The following RBM19 variants were observed in gnomAD, a reference collection of about 807,000 sequenced individuals.
The protein encoded by RBM19 is probable RNA-binding protein 19.
RBM19 carries 94 observed loss-of-function variants against 116.8 expected under a neutral mutation model. That is an observed-to-expected ratio of 0.80 (90% CI 0.68 to 0.95). The LOEUF is 0.95. Among genes scored for constraint, RBM19 ranks in the 40% least tolerant of loss-of-function variants. RBM19 has a pLI of 0.00. For synonymous variants in RBM19, 475 were observed against 494.1 expected, an observed-to-expected ratio of 0.96 and a Z score of 0.51; for missense variants, 1,161 against 1,220.7, an observed-to-expected ratio of 0.95 and a Z score of 0.73.
intron 23 of RBM19, among the ~76,000 whole-genome samples, chr12:113,841,129 C>G (rs1382763137): frequency 6.6e-6 from 1 of 152,246 alleles, no homozygotes; most frequent in Non-Finnish European, 1.5e-5. Context: ...CTCTGACACT[C>G]AAGCCCGCCC....
intron 21 of RBM19, among the ~76,000 whole-genome samples, chr12:113,878,979 G>A (rs773840365): frequency 6.6e-6 from 1 of 152,196 alleles, no homozygotes; most frequent in African/African-American, 2.4e-5. Context: ...GGGGCTGCCT[G>A]TAGGAGGCAG....
intron 22 of RBM19, among the ~76,000 whole-genome samples, chr12:113,852,137 C>T (rs1011418745): frequency 1.3e-5 from 2 of 152,100 alleles, no homozygotes; most frequent in South Asian, 4.1e-4. Flanking sequence ...ATGACTAGTA[C>T]GGCCTGCCTG....
In RBM19 at chr12:113,955,115, C is replaced by T. The variant is rs754660711; in HGVS notation, c.921+16G>A. ...CTCCCGCAGGCTGCCGACCCTTGTC[C>T]TCAGTTAGCACATACCTCTGTGACA... On this transcript the variant is annotated intron_variant, in intron 7 of 23. Coordinates refer to ENST00000261741, the MANE Select transcript of RBM19 (RefSeq NM_016196.4). 6.2e-7 allele frequency: 1 copy of T among 1,613,496 alleles called. No homozygotes were observed. The highest frequency in any genetic ancestry group is 1.1e-5 in the South Asian group (1 of 91,034).
chr12:113,953,943 G>A (rs1871686285), intron 7 of RBM19, among the ~76,000 whole-genome samples: 1 of 152,262 alleles, frequency 6.6e-6, no homozygotes, highest in African/African-American at 2.4e-5. Context: ...GGCCTTTACA[G>A]ACGAAGTCTG....
At chr12:113,920,897 C>T (rs1868496261) in intron 18 of RBM19, among the ~76,000 whole-genome samples, 1 of 152,162 alleles carries the variant, frequency 6.6e-6, no homozygotes, top group African/African-American at 2.4e-5. Context: ...TGGCTGCCAC[C>T]TGAGGCCCAT....
intron 22 of RBM19, 44 bp from the exon 23 acceptor site, chr12:113,844,832 T>G (rs1400867470): frequency 2.6e-6 from 4 of 1,553,072 alleles, no homozygotes; most frequent in Non-Finnish European, 2.6e-6. Flanking sequence ...GCTGGATCAG[T>G]GCGGCAGACA....
At chr12:113,866,604 C>T (rs1419760168) in intron 21 of RBM19, among the ~76,000 whole-genome samples, 4 of 152,204 alleles carry the variant, frequency 2.6e-5, no homozygotes, top group Non-Finnish European at 4.4e-5. Flanking sequence ...GGACTGATAC[C>T]TGGACTGGTA....
downstream of RBM19, chr12:113,817,611 G>A (rs757742507): frequency 3.0e-4 from 46 of 152,248 alleles, no homozygotes; most frequent in Admixed American, 3.0e-3. Context: ...GCAGACCTCC[G>A]GGCCTGGCTT....
At chr12:113,875,881 G>A (rs148030115) in intron 21 of RBM19, among the ~76,000 whole-genome samples, 3 of 152,270 alleles carry the variant, frequency 2.0e-5, no homozygotes, top group East Asian at 1.9e-4. Flanking sequence ...GAGAGGGGCC[G>A]TTTGTGTGAA....
chr12:113,959,726 CCCTTT>C, intron 4 of RBM19, 134 bp downstream of exon 4: 1 of 1,094,162 alleles, frequency 9.1e-7, no homozygotes, highest in East Asian at 2.6e-5. Context: ...CCAGCCTCTT[CCCTTT>C]CCTAGCCTCC....
intron 21 of RBM19, among the ~76,000 whole-genome samples, chr12:113,868,759 T>C (rs1879017362): frequency 3.9e-5 from 6 of 152,194 alleles, no homozygotes; most frequent in Admixed American, 3.9e-4. Context: ...CACAAGGCCT[T>C]GGTCTTTAAC....
intron 21 of RBM19, among the ~76,000 whole-genome samples, chr12:113,906,901 G>A (rs1173853011): frequency 6.6e-6 from 1 of 152,018 alleles, no homozygotes; most frequent in Non-Finnish European, 1.5e-5. Flanking sequence ...TGCAATGCCC[G>A]GTGTCCTTAT....
chr12:113,926,923 G>A, intron 17 of RBM19, 131 bp downstream of exon 17: 1 of 1,056,092 alleles, frequency 9.5e-7, no homozygotes, highest in South Asian at 1.6e-5. Context: ...CAAGTAGGTG[G>A]TGCTGGTTAT....
intron 16 of RBM19, chr12:113,932,802 AGGAATCAG>A (rs1184671328): frequency 6.6e-6 from 1 of 150,874 alleles, no homozygotes; most frequent in Non-Finnish European, 1.5e-5. Flanking sequence ...GAAGTGAGAA[AGGAATCAG>A]GGCTAGGCCT....
intron 23 of RBM19, among the ~76,000 whole-genome samples, chr12:113,829,901 C>T (rs982897805): frequency 6.6e-6 from 1 of 152,210 alleles, no homozygotes; most frequent in Non-Finnish European, 1.5e-5. Flanking sequence ...AAGATAAGGC[C>T]AAGGGGCGAG....
intron 20 of RBM19, among the ~76,000 whole-genome samples, chr12:113,916,827 A>G (rs1882803569): frequency 6.6e-6 from 1 of 152,138 alleles, no homozygotes; most frequent in East Asian, 1.9e-4. Flanking sequence ...CCTGACTGTA[A>G]CCTCATGAGA....
chr12:113,828,123 T>C (rs1192460402), intron 23 of RBM19, among the ~76,000 whole-genome samples: 1 of 129,528 alleles, frequency 7.7e-6, no homozygotes, highest in African/African-American at 2.8e-5. Flanking sequence ...AAAAAAAAAG[T>C]GACCAATGGG....
At chr12:113,859,951 C>A (rs1593495073) in intron 21 of RBM19, among the ~76,000 whole-genome samples, 1 of 152,278 alleles carries the variant, frequency 6.6e-6, no homozygotes, top group South Asian at 2.1e-4. Flanking sequence ...TAAGCTAAAT[C>A]CGAAGTGTTA....
intron 4 of RBM19, 136 bp from the exon 5 acceptor site, chr12:113,959,540 C>T (rs1224345127): frequency 1.9e-6 from 2 of 1,052,502 alleles, no homozygotes; most frequent in East Asian, 5.1e-5. Context: ...CCCCCATTCT[C>T]TGGAGGACCC....
Sources: gnomAD v4.1 joint callset for allele counts (sites outside exome capture counted in the v4.1 genomes callset) on GRCh38, gnomAD v4.1.1 for gene constraint, MANE v1.5 for transcripts, NCBI Gene and HGNC (gene_info 2026-07-23, HGNC 2026-07-21) for gene names.